The following AUTS2 variants were observed in gnomAD, a reference collection of about 807,000 sequenced individuals.
The protein encoded by AUTS2 is activator of transcription and developmental regulator AUTS2.
Under a neutral mutation model 112.4 loss-of-function variants are expected in AUTS2, and 17 were observed. That is an observed-to-expected ratio of 0.15 (90% CI 0.10 to 0.23). The LOEUF is 0.23. AUTS2 is among the 10% of genes least tolerant of loss of function. The probability of loss-of-function intolerance (pLI) is 1.00; values close to 1 mark genes in which losing one functional copy is unlikely to be tolerated. For synonymous variants in AUTS2, 751 were observed against 702.7 expected, an observed-to-expected ratio of 1.07 and a Z score of -1.09; for missense variants, 1,510 against 1,701.6, an observed-to-expected ratio of 0.89 and a Z score of 1.98.
chr7:69,672,251 G>A (rs1347150827), intron 1 of AUTS2, among the ~76,000 whole-genome samples: 2 of 151,920 alleles, frequency 1.3e-5, no homozygotes, highest in Non-Finnish European at 2.9e-5. Flanking sequence ...TAGAGACGGG[G>A]TTTCTCCATG....
chr7:69,767,411 A>G (rs1562869641), intron 1 of AUTS2, among the ~76,000 whole-genome samples: 1 of 152,188 alleles, frequency 6.6e-6, no homozygotes, highest in Non-Finnish European at 1.5e-5. Flanking sequence ...TACTGAGCTC[A>G]AGTGATCCAC....
chr7:70,020,773 T>G (rs1800235157), intron 2 of AUTS2, among the ~76,000 whole-genome samples: 1 of 152,120 alleles, frequency 6.6e-6, no homozygotes, highest in South Asian at 2.1e-4. Context: ...AGCCTTGATC[T>G]CCCAGGCTCA....
chr7:69,907,026 G>A (rs915441311), intron 2 of AUTS2, among the ~76,000 whole-genome samples: 4 of 152,152 alleles, frequency 2.6e-5, no homozygotes, highest in South Asian at 2.1e-4. Flanking sequence ...AGGATTGCAA[G>A]GGCCCAGGAA....
chr7:69,992,197 T>C (rs934641964), intron 2 of AUTS2, among the ~76,000 whole-genome samples: 2 of 152,198 alleles, frequency 1.3e-5, no homozygotes, highest in African/African-American at 2.4e-5. Flanking sequence ...AGGAACCATA[T>C]AACAACTATA....
intron 2 of AUTS2, among the ~76,000 whole-genome samples, chr7:69,921,597 C>T (rs1471330817): frequency 2.1e-5 from 3 of 146,072 alleles, no homozygotes; most frequent in Non-Finnish European, 3.0e-5. Flanking sequence ...GTAAAACTCC[C>T]CATCTCTACT....
At chr7:69,810,302 A>G (rs900770860) in intron 1 of AUTS2, among the ~76,000 whole-genome samples, 1 of 152,326 alleles carries the variant, frequency 6.6e-6, no homozygotes, top group African/African-American at 2.4e-5. Flanking sequence ...TCTGAGCCTC[A>G]GATTCTTCGT....
chr7:70,070,746 C>T (rs907017702), intron 2 of AUTS2, among the ~76,000 whole-genome samples: 1 of 151,976 alleles, frequency 6.6e-6, no homozygotes. Context: ...GTGGCACACA[C>T]CTGTAGTCCC....
chr7:70,204,480 G>A (rs1444000226), intron 4 of AUTS2, among the ~76,000 whole-genome samples: 2 of 152,088 alleles, frequency 1.3e-5, no homozygotes, highest in African/African-American at 4.8e-5. Flanking sequence ...GAGAAAATAT[G>A]TTTTGTCGGG....
intron 5 of AUTS2, among the ~76,000 whole-genome samples, chr7:70,540,698 A>G (rs922035197): frequency 1.1e-4 from 16 of 152,178 alleles, no homozygotes; most frequent in African/African-American, 3.9e-4. Flanking sequence ...CTGAGGATGC[A>G]GCTACATCTC....
chr7:69,940,063 T>C (rs549462136), intron 2 of AUTS2, among the ~76,000 whole-genome samples: 4 of 152,354 alleles, frequency 2.6e-5, no homozygotes, highest in South Asian at 4.1e-4. Context: ...AACAAACTTA[T>C]AAGGTAGATG....
intron 4 of AUTS2, among the ~76,000 whole-genome samples, chr7:70,433,258 G>T (rs947209645): frequency 3.9e-5 from 6 of 152,106 alleles, no homozygotes; most frequent in African/African-American, 1.2e-4. Context: ...CCCACTCCTC[G>T]TCCTCCCTGC....
chr7:70,609,973 T>A (rs1803997975), intron 5 of AUTS2, among the ~76,000 whole-genome samples: 1 of 151,580 alleles, frequency 6.6e-6, no homozygotes, highest in Admixed American at 6.6e-5. Context: ...TTGTTGTTGT[T>A]GTTGTTGTTG....
chr7:70,501,221 GTTAT>G (rs1467358684), intron 5 of AUTS2, among the ~76,000 whole-genome samples: 2 of 152,172 alleles, frequency 1.3e-5, no homozygotes, highest in African/African-American at 4.8e-5. Flanking sequence ...AGTTAAATGA[GTTAT>G]TTGTCTGTTT....
At chr7:70,009,738 A>G (rs928788905) in intron 2 of AUTS2, among the ~76,000 whole-genome samples, 7 of 152,186 alleles carry the variant, frequency 4.6e-5, no homozygotes, top group Admixed American at 6.5e-5. Flanking sequence ...TGGTATTATT[A>G]TCTCCACTTT....
intron 1 of AUTS2, among the ~76,000 whole-genome samples, chr7:69,849,979 T>C (rs2159679): frequency 0.25 from 37,404 of 151,998 alleles, 4,599 homozygotes; most frequent in Middle Eastern, 0.34. Context: ...TTGCTGAGTT[T>C]TATAGTGTTT....
chr7:70,412,291 G>T (rs543820266), intron 4 of AUTS2, among the ~76,000 whole-genome samples: 3 of 152,060 alleles, frequency 2.0e-5, no homozygotes, highest in Non-Finnish European at 4.4e-5. Flanking sequence ...GAGCAGACCA[G>T]GGTAGAAGTT....
intron 2 of AUTS2, among the ~76,000 whole-genome samples, chr7:69,986,000 C>T (rs1563016444): frequency 6.6e-6 from 1 of 152,048 alleles, no homozygotes; most frequent in African/African-American, 2.4e-5. Context: ...TGGGCTTAAG[C>T]GATCCTCCCG....
At chr7:70,713,244 A>AAC (rs1810162884) in intron 6 of AUTS2, among the ~76,000 whole-genome samples, 1 of 152,122 alleles carries the variant, frequency 6.6e-6, no homozygotes, top group Admixed American at 6.5e-5. Context: ...CACAGCACAC[A>AAC]ACACACACAC....
intron 1 of AUTS2, among the ~76,000 whole-genome samples, chr7:69,878,103 TA>T (rs1793885187): frequency 6.6e-6 from 1 of 152,104 alleles, no homozygotes; most frequent in South Asian, 2.1e-4. Flanking sequence ...GTTGGTATCC[TA>T]ATCCTAATCC....
Sources: gnomAD v4.1 joint callset for allele counts (sites outside exome capture counted in the v4.1 genomes callset) on GRCh38, gnomAD v4.1.1 for gene constraint, MANE v1.5 for transcripts, NCBI Gene and HGNC (gene_info 2026-07-23, HGNC 2026-07-21) for gene names.